The following GRIN2C variants were observed in gnomAD, a reference collection of about 807,000 sequenced individuals.
The protein encoded by GRIN2C is glutamate ionotropic receptor NMDA type subunit 2C, also known as glutamate receptor ionotropic, NMDA 2C.
Under a neutral mutation model 77.7 loss-of-function variants are expected in GRIN2C, and 64 were observed. The ratio of observed to expected loss-of-function variants is 0.82; its 90% CI spans 0.67 to 1.01. GRIN2C has a LOEUF of 1.01. Ranked by LOEUF, GRIN2C falls within the 50% of genes least tolerant of loss-of-function variation. The probability of loss-of-function intolerance (pLI) is 0.00; values close to 1 mark genes in which losing one functional copy is unlikely to be tolerated. For synonymous variants in GRIN2C, 792 were observed against 643.4 expected (o/e 1.23, Z -3.49); for missense variants, 1,549 against 1,486.0 (o/e 1.04, Z -0.70).
chr17:74,850,979 T>C lies in GRIN2C; in HGVS notation c.1114-212A>G. On this transcript the variant is annotated intron_variant, in intron 4 of 12. Coordinates refer to ENST00000293190, the MANE Select transcript of GRIN2C (RefSeq NM_000835.6). The surrounding 1 kb of genome is among the most constrained non-coding windows in gnomAD (Gnocchi z 5.3). ...ACAGCATCTTCCTAAAGCCCAGACCTGACCCTGTCTCACTCACTGTACTGG... is the reference window on the plus strand; with the variant it reads ...ACAGCATCTTCCTAAAGCCCAGACCCGACCCTGTCTCACTCACTGTACTGG... 1.7e-6 allele frequency: 1 copy of C among 595,840 alleles called. No homozygotes were observed. The allele number at this position is 595,840 out of a possible 1,614,324, so 36.9% of individuals were successfully genotyped here.
In GRIN2C at chr17:74,847,171, C is replaced by A; in HGVS notation, c.2001+137G>T. On this transcript the variant is annotated intron_variant, in intron 9 of 12. Transcript: ENST00000293190. The surrounding 1 kb of genome is among the most constrained non-coding windows in gnomAD (Gnocchi z 5.2). ...CTTGCCCCAGCCCCCAACCCCTTCT[C>A]AGCAGGCCCTGAAGCTTCTTCCTGC... The A allele has an allele frequency of 1.3e-6, 1 of 769,348 alleles. No individual in the cohort carries two copies. Among genetic ancestry groups the A allele is most frequent in the Non-Finnish European group, 2.1e-6 (1 of 475,178 alleles). The allele number at this position is 769,348 out of a possible 1,614,324, so 47.7% of individuals were successfully genotyped here. A position where few individuals can be genotyped will look rare whatever the true frequency, so the allele number is the denominator to read the frequency against.
Position 74,851,702 on chromosome 17 carries a change from G to A in GRIN2C, c.999-11C>T, listed in dbSNP as rs370543732. The stretch of plus-strand genomic sequence containing the variant: ...ACATTCAGTAGGTGCCTGCCAGAGG[G>A]GAGAGATGCCTGCAGCCCTGCCAAG... On this transcript the variant is annotated splice_polypyrimidine_tract_variant and intron_variant, in intron 3 of 12. Transcript: ENST00000293190. 39 of 1,500,106 alleles carry A rather than the reference G, an allele frequency of 2.6e-5. No individual in the cohort carries two copies. The African/African-American group carries it at 4.4e-4, about 17-fold the overall frequency. 92.9% of individuals were successfully genotyped at this position (1,500,106 alleles called of 1,614,324 possible).
rs774010756 is a variant in GRIN2C at position 74,854,762 on chromosome 17, T to C, written c.331A>G (p.Ile111Val). 54 of 1,613,236 alleles carry C rather than the reference T, an allele frequency of 3.3e-5. No homozygotes were observed. The East Asian group carries it at 1.1e-3, about 34-fold the overall frequency. The change falls in exon 2 of 13, where the codon ATC becomes GTC. Residue 111 changes from isoleucine (I) to valine (V), a missense_variant. Around this residue, in one of 3 missense-constraint regions of GRIN2C, gnomAD observed 382 missense variants for 360.0 expected, o/e 1.06. Coordinates refer to ENST00000293190, the MANE Select transcript of GRIN2C (RefSeq NM_000835.6). ...TEAVAQILDF[I>V]SSQTHVPILS... ...ATGGGCACATGGGTCTGGGAGGAGA[T>C]GAAGTCAAGGATCTGGGCCACCGCC...
At position 74,846,213 on chromosome 17, in the gene GRIN2C, A is replaced by G. The variant is rs1266873999; in HGVS notation, c.2203T>C (p.Tyr735His). 6.2e-7 allele frequency: 1 copy of G among 1,614,122 alleles called. No individual in the cohort carries two copies. The highest frequency in any genetic ancestry group is 2.2e-5 in the East Asian group (1 of 44,874). ...AFIYDAAVLN[Y>H]MAGKDEGCKL... The stretch of plus-strand genomic sequence containing the variant: ...CAGCCCTCGTCCTTGCCTGCCATGT[A>G]GTTGAGGACAGCAGCATCATAGATG... The change falls in exon 11 of 13, where the codon TAC becomes CAC. Residue 735 changes from tyrosine to histidine, a missense_variant. Transcript: ENST00000293190. This position sits in a 1 kb window ranked among gnomAD's most constrained non-coding sequence, Gnocchi z 4.4.
At position 74,844,423 on chromosome 17, in the gene GRIN2C, G is replaced by C. The variant is rs372329879; in HGVS notation, c.2436C>G (p.Ile812Met). 1 of 1,614,190 alleles carries C rather than the reference G, an allele frequency of 6.2e-7. No individual in the cohort carries two copies. Among genetic ancestry groups the C allele is most frequent in the Admixed American group, 1.7e-5 (1 of 60,028 alleles). The part of the protein sequence containing the change: ...KNEVMSSKLD[I>M]DNMAGVFYML... The stretch of plus-strand genomic sequence containing the variant: ...TGTAGAAGACGCCTGCCATGTTGTC[G>C]ATGTCCAGCTTGCTGCTCATCACCT... Residue 812 changes from isoleucine to methionine, a missense_variant, in exon 12 of 13, where the codon ATC (isoleucine) becomes ATG (methionine). By Grantham distance (10) the Ile-to-Met change is conservative (BLOSUM62 1). Coordinates refer to ENST00000293190, the MANE Select transcript of GRIN2C (RefSeq NM_000835.6).
At chr17:74,845,043 C>A (rs2037414099) in intron 11 of GRIN2C, among the ~76,000 whole-genome samples, 1 of 148,410 alleles carries the variant, frequency 6.7e-6, no homozygotes, top group African/African-American at 2.5e-5. Context: ...GCGATCCTTC[C>A]ACCTCAGCCC....
chr17:74,845,921 C>G (rs1039752937), intron 11 of GRIN2C, 145 bp downstream of exon 11: 1 of 732,696 alleles, frequency 1.4e-6, no homozygotes, highest in Non-Finnish European at 2.4e-6. Flanking sequence ...GCTCCTAGTA[C>G]CTGCCCACCT....
chr17:74,844,122 C>T (rs1390984883), intron 12 of GRIN2C, 154 bp downstream of exon 12: 1 of 1,410,050 alleles, frequency 7.1e-7, no homozygotes. Flanking sequence ...GATCCACTGG[C>T]CTAAGCCTCT....
chr17:74,843,689 A>C, intron 12 of GRIN2C, 136 bp from the exon 13 acceptor site: 1 of 1,190,986 alleles, frequency 8.4e-7, no homozygotes, highest in Non-Finnish European at 1.2e-6. Flanking sequence ...AGCATCTCCC[A>C]TGCGCCAGGC....
In GRIN2C at chr17:74,852,407, C is replaced by G. The variant is rs2037682901; in HGVS notation, c.604G>C (p.Glu202Gln). ...SWRLLDVVTL[E>Q]LGPGGPRART... ...GCGCGCGGCCCTCCCGGGCCCAGCTCCAGCGTGACCACGTCCAGCAGCCGC... is the reference window on the plus strand; with the variant it reads ...GCGCGCGGCCCTCCCGGGCCCAGCTGCAGCGTGACCACGTCCAGCAGCCGC... The change falls in exon 3 of 13, where the codon GAG (glutamate) becomes CAG (glutamine). Residue 202 changes from glutamate to glutamine, a missense_variant. Physicochemically the swap from Glu to Gln is conservative, Grantham distance 29. Transcript: ENST00000293190. 2 of 1,494,034 alleles carry G rather than the reference C, an allele frequency of 1.3e-6. No homozygotes were observed. Among genetic ancestry groups the G allele is most frequent in the Admixed American group, 2.2e-5 (1 of 44,568 alleles). 92.5% of individuals were successfully genotyped at this position (1,494,034 alleles called of 1,614,324 possible). A position where few individuals can be genotyped will look rare whatever the true frequency, so the allele number is the denominator to read the frequency against.
In GRIN2C at chr17:74,846,739, G is replaced by C. The variant is rs767355269; in HGVS notation, c.2162+21C>G. On this transcript the variant is annotated intron_variant, in intron 10 of 12. Coordinates refer to ENST00000293190, the MANE Select transcript of GRIN2C (RefSeq NM_000835.6). This position sits in a 1 kb window ranked among gnomAD's most constrained non-coding sequence, Gnocchi z 4.4. ...GGGAGACACACGGATGAAGACAGCGGGTGCAGGGCTGGGGACCCACCCCAT... is the reference window on the plus strand; with the variant it reads ...GGGAGACACACGGATGAAGACAGCGCGTGCAGGGCTGGGGACCCACCCCAT... 24 of 1,608,670 alleles carry C rather than the reference G, an allele frequency of 1.5e-5. No individual in the cohort carries two copies. The South Asian group carries it at 1.8e-4, about 12-fold the overall frequency.
chr17:74,843,875 T>C (rs1376981190), intron 12 of GRIN2C, among the ~76,000 whole-genome samples: 1 of 76,118 alleles, frequency 1.3e-5, no homozygotes, highest in African/African-American at 4.3e-5. Flanking sequence ...GGACGTTGGC[T>C]TTTTTTTTTT....
chr17:74,844,494 G>A lies in GRIN2C; in HGVS notation c.2365C>T (p.Leu789=), dbSNP rs983970064. 6.2e-7 allele frequency: 1 copy of A among 1,614,106 alleles called. No individual in the cohort carries two copies. Among genetic ancestry groups the A allele is most frequent in the Middle Eastern group, 1.6e-4 (1 of 6,062 alleles). ...ATCCCTGAGAGCCACACTGTCTCCAGTTTCTGTGTCTCTCCTGGAGTTGGG... is the reference window on the plus strand; with the variant it reads ...ATCCCTGAGAGCCACACTGTCTCCAATTTCTGTGTCTCTCCTGGAGTTGGG... ...QFLGDGETQK[L]ETVWLSGICQ... Residue 789 remains leucine, a synonymous_variant, in exon 12 of 13, where the codon CTG becomes TTG. Coordinates refer to ENST00000293190, the MANE Select transcript of GRIN2C (RefSeq NM_000835.6).
rs943754860 is a variant in GRIN2C at position 74,850,144 on chromosome 17, A to G, written c.1491+62T>C. 16 of 1,571,238 alleles carry G rather than the reference A, an allele frequency of 1.0e-5. No homozygotes were observed. The highest frequency in any genetic ancestry group is 2.2e-5 in the East Asian group (1 of 44,678). On this transcript the variant is annotated intron_variant, in intron 6 of 12. Coordinates refer to ENST00000293190, the MANE Select transcript of GRIN2C (RefSeq NM_000835.6). The surrounding 1 kb of genome is among the most constrained non-coding windows in gnomAD (Gnocchi z 5.3). ...CCTCTAGAGGGCATCTGAGAGCCAC[A>G]TGGGGCCTGGGCAGCAGGTGGGCAG...
In GRIN2C at chr17:74,849,714, G is replaced by T; in HGVS notation, c.1645+66C>A. On this transcript the variant is annotated intron_variant, in intron 7 of 12. Transcript: ENST00000293190. This position sits in a 1 kb window ranked among gnomAD's most constrained non-coding sequence, Gnocchi z 4.6. ...CACCCAACTCCCCATCCCCACCCAA[G>T]CTGTACACACCCTCCTCGTGGGCCC... 1 of 1,452,794 alleles carries T rather than the reference G, an allele frequency of 6.9e-7. No individual in the cohort carries two copies. Among genetic ancestry groups the T allele is most frequent in the Non-Finnish European group, 9.4e-7 (1 of 1,064,938 alleles). 90.0% of individuals were successfully genotyped at this position (1,452,794 alleles called of 1,614,324 possible).
chr17:74,850,449 C>G lies in GRIN2C; in HGVS notation c.1326-78G>C. The G allele has an allele frequency of 3.8e-6, 6 of 1,573,670 alleles. No homozygotes were observed. Among genetic ancestry groups the G allele is most frequent in the Non-Finnish European group, 5.2e-6 (6 of 1,151,534 alleles). On this transcript the variant is annotated intron_variant, in intron 5 of 12. Transcript: ENST00000293190. The surrounding 1 kb of genome is among the most constrained non-coding windows in gnomAD (Gnocchi z 5.3). The stretch of plus-strand genomic sequence containing the variant: ...GCCCCGCCCCAGCCACTCCTCCAGC[C>G]TGGCACGTGGACCCCTGCCCCACAC...
rs761283405 is a variant in GRIN2C, at chr17:74,859,325, G to A, written c.-16+419C>T. 5.3e-5 allele frequency among the ~76,000 whole-genome samples: 8 copies of A among 152,152 alleles called. No homozygotes were observed. The highest frequency in any genetic ancestry group is 1.2e-4 in the Non-Finnish European group (8 of 68,022). ...GGGTCTGAGCACCTTCCCAGGCTGG[G>A]GGCCTTCTCCTTCCCGGGTCCTCAC... On this transcript the variant is annotated intron_variant, in intron 1 of 12. Transcript: ENST00000293190. The surrounding 1 kb of genome is among the most constrained non-coding windows in gnomAD (Gnocchi z 5.9).
chr17:74,854,932 C>T lies in GRIN2C; in HGVS notation c.161G>A (p.Ser54Asn), dbSNP rs1338024482. Reference protein sequence around the residue: ...AQFRARLTPQSFLDLPLEIQP... With the variant: ...AQFRARLTPQNFLDLPLEIQP... The stretch of plus-strand genomic sequence containing the variant: ...GATCTCCAGGGGTAGGTCCAGGAAG[C>T]TCTGGGGGGTGAGGCGGGCACGGAA... Residue 54 changes from serine to asparagine, a missense_variant, in exon 2 of 13, where the codon AGC becomes AAC. Transcript: ENST00000293190. 6.2e-7 allele frequency: 1 copy of T among 1,613,622 alleles called. No individual in the cohort carries two copies. Among genetic ancestry groups the T allele is most frequent in the Non-Finnish European group, 8.5e-7 (1 of 1,179,954 alleles).
chr17:74,845,390 A>C (rs983790780), intron 11 of GRIN2C, among the ~76,000 whole-genome samples: 1 of 150,878 alleles, frequency 6.6e-6, no homozygotes, highest in African/African-American at 2.4e-5. Context: ...TCAGCCTCCC[A>C]AGTAGCTGGG....
Sources: allele counts gnomAD v4.1 joint callset (sites outside exome capture counted in the v4.1 genomes callset), GRCh38; gene constraint gnomAD v4.1.1; regional missense constraint gnomAD v4.1.1; non-coding constraint Gnocchi (gnomAD v3.1); transcripts MANE v1.5; gene names NCBI Gene and HGNC (gene_info 2026-07-23, HGNC 2026-07-21).